Variants in B3GAT1 observed in about 807,000 individuals in gnomAD.
B3GAT1 encodes the protein beta-1,3-glucuronyltransferase 1.
In B3GAT1, 11 loss-of-function variants were observed where a neutral mutation model predicts 28.4. That is an observed-to-expected ratio of 0.39 (90% CI 0.24 to 0.64). The LOEUF is 0.64. Ranked by LOEUF, B3GAT1 falls within the 30% of genes least tolerant of loss-of-function variation. The pLI is 0.50. For missense variants in B3GAT1, 375 were observed against 491.0 expected (o/e 0.76, Z 2.23); for synonymous variants, 255 against 223.1 (o/e 1.14, Z -1.27).
intron 4 of B3GAT1, among the ~76,000 whole-genome samples, chr11:134,382,470 G>T (rs1944155835): frequency 6.6e-6 from 1 of 152,250 alleles, no homozygotes; most frequent in African/African-American, 2.4e-5. Context: ...TGCTCAGCAG[G>T]GAGGTGCTGG....
In B3GAT1 at chr11:134,412,133, C is replaced by G. The variant is rs1407598312; in HGVS notation, c.-608G>C. ...GGGAGCGGGGAGGGGGAGCGGGGAG[C>G]GGGCGCGGGGGCGAGAGGGGCGAGG... is the stretch of plus-strand genomic sequence containing the variant. On this transcript the variant is annotated 5_prime_UTR_variant, in exon 1 of 6. Coordinates refer to ENST00000312527, the MANE Select transcript of B3GAT1 (RefSeq NM_054025.3). Among the ~76,000 whole-genome samples the G allele has an allele frequency of 1.2e-4, 14 of 116,118 alleles. No homozygotes were observed. Among genetic ancestry groups the G allele is most frequent in the East Asian group, 8.2e-4 (3 of 3,638 alleles). 76.2% of individuals were successfully genotyped at this position (116,118 alleles called of 152,430 possible).
chr11:134,383,229 C>T (rs927224360), intron 3 of B3GAT1, among the ~76,000 whole-genome samples: 5 of 152,176 alleles, frequency 3.3e-5, no homozygotes, highest in South Asian at 4.1e-4. Context: ...ACCTCTCAGA[C>T]GGCCTGGTCT....
chr11:134,400,239 C>T (rs1026957323), intron 1 of B3GAT1, among the ~76,000 whole-genome samples: 1 of 152,152 alleles, frequency 6.6e-6, no homozygotes, highest in East Asian at 1.9e-4. Context: ...TTTTGCTTGC[C>T]GGTTTTCACA....
intron 1 of B3GAT1, among the ~76,000 whole-genome samples, chr11:134,405,928 G>A (rs895886702): frequency 6.6e-6 from 1 of 152,234 alleles, no homozygotes; most frequent in African/African-American, 2.4e-5. Flanking sequence ...TGGCTTGGTG[G>A]GCAGGGTCCC....
chr11:134,395,991 C>A (rs970934054), intron 1 of B3GAT1, among the ~76,000 whole-genome samples: 15 of 152,190 alleles, frequency 9.9e-5, no homozygotes, highest in African/African-American at 3.4e-4. Flanking sequence ...TGGCTGTTAG[C>A]TGGGACTGCC....
At position 134,412,108 on chromosome 11, in the gene B3GAT1, G is replaced by GGGAGCGGGGATGGGGGAGGT. The variant is rs1944872659; in HGVS notation, c.-584_-583insACCTCCCCCATCCCCGCTCC. Among the ~76,000 whole-genome samples, 1 of 107,590 alleles carries GGGAGCGGGGATGGGGGAGGT rather than the reference G, an allele frequency of 9.3e-6. No individual in the cohort carries two copies. The highest frequency in any genetic ancestry group is 2.0e-5 in the Non-Finnish European group (1 of 50,896). The allele number at this position is 107,590 out of a possible 152,430, so 70.6% of individuals were successfully genotyped here. A position where few individuals can be genotyped will look rare whatever the true frequency, so the allele number is the denominator to read the frequency against. ...AGGCGGGGGGCGGGGGGCGGGGAGG[G>GGGAGCGGGGATGGGGGAGGT]GGAGCGGGGAGGGGGAGCGGGGAGC... On this transcript the variant is annotated 5_prime_UTR_variant, in exon 1 of 6. Transcript: ENST00000312527.
At chr11:134,392,850 T>G (rs370474385) in intron 1 of B3GAT1, among the ~76,000 whole-genome samples, 2 of 152,342 alleles carry the variant, frequency 1.3e-5, no homozygotes, top group South Asian at 4.1e-4. Flanking sequence ...GGTTTTCTTC[T>G]GAGCCTGCAG....
rs1248944200 is a variant in B3GAT1 at position 134,384,120 on chromosome 11, G to T, written c.181C>A (p.Arg61Ser). The T allele has an allele frequency of 6.3e-6, 10 of 1,586,134 alleles. No homozygotes were observed. The highest frequency in any genetic ancestry group is 8.6e-6 in the Non-Finnish European group (10 of 1,166,770). Residue 61 changes from arginine to serine, a missense_variant, in exon 3 of 6, where the codon CGC becomes AGC. Physicochemically the swap from Arg to Ser is moderately radical, Grantham distance 110. Coordinates refer to ENST00000312527, the MANE Select transcript of B3GAT1 (RefSeq NM_054025.3). ...ADPREYCTSD[R>S]DIVEVVRTEY... ...GTGCGCACCACCTCCACGATGTCGC[G>T]GTCAGACGTGCAGTACTCCCTGGGG...
intron 2 of B3GAT1, chr11:134,386,540 C>T (rs1944291799): frequency 6.6e-6 from 1 of 152,200 alleles, no homozygotes. Flanking sequence ...AGTTCTACCC[C>T]TAGTTCTTCC....
At chr11:134,406,707 C>G (rs1391865968) in intron 1 of B3GAT1, among the ~76,000 whole-genome samples, 1 of 152,214 alleles carries the variant, frequency 6.6e-6, no homozygotes, top group Non-Finnish European at 1.5e-5. Context: ...TGACTCATTT[C>G]CTCCTCAGAA....
At chr11:134,396,258 A>G (rs564939029) in intron 1 of B3GAT1, among the ~76,000 whole-genome samples, 77 of 152,200 alleles carry the variant, frequency 5.1e-4, no homozygotes, top group African/African-American at 1.9e-3. Flanking sequence ...GGGGCTTCCA[A>G]GGATACCTGA....
rs1944326956 is a variant in B3GAT1, at chr11:134,387,847, T to C, written c.-188A>G. 2.6e-6 allele frequency: 4 copies of C among 1,526,682 alleles called. No individual in the cohort carries two copies. The highest frequency in any genetic ancestry group is 1.4e-5 in the African/African-American group (1 of 72,788). The allele number at this position is 1,526,682 out of a possible 1,614,324, so 94.6% of individuals were successfully genotyped here. A position where few individuals can be genotyped will look rare whatever the true frequency, so the allele number is the denominator to read the frequency against. On this transcript the variant is annotated 5_prime_UTR_variant, in exon 2 of 6. The change abolishes an upstream ATG in the 5' untranslated region. Transcript: ENST00000312527. ...CTTACCAGCACTCACAACCCACCCA[T>C]TGCGGAAGCAGGTTTGGAGAGTCCG...
intron 1 of B3GAT1, among the ~76,000 whole-genome samples, chr11:134,400,940 T>C (rs73032539): frequency 6.6e-6 from 1 of 152,224 alleles, no homozygotes; most frequent in Non-Finnish European, 1.5e-5. Flanking sequence ...GCAAAACACA[T>C]GAACAGACAC....
chr11:134,404,611 G>T (rs926110065), intron 1 of B3GAT1, among the ~76,000 whole-genome samples: 1 of 152,114 alleles, frequency 6.6e-6, no homozygotes, highest in Non-Finnish European at 1.5e-5. Flanking sequence ...ACCTTCCTGG[G>T]AATCACGGGG....
chr11:134,404,788 A>T (rs1361796969), intron 1 of B3GAT1, among the ~76,000 whole-genome samples: 1 of 152,354 alleles, frequency 6.6e-6, no homozygotes, highest in Middle Eastern at 3.4e-3. Flanking sequence ...AGAGAGATTT[A>T]TGTGTGGGAG....
chr11:134,399,805 T>C (rs1944575941), intron 1 of B3GAT1, among the ~76,000 whole-genome samples: 1 of 152,172 alleles, frequency 6.6e-6, no homozygotes, highest in Non-Finnish European at 1.5e-5. Context: ...GCATGGAGCC[T>C]GGCACAGGTC....
At chr11:134,405,007 G>A (rs948647196) in intron 1 of B3GAT1, among the ~76,000 whole-genome samples, 1 of 152,150 alleles carries the variant, frequency 6.6e-6, no homozygotes, top group African/African-American at 2.4e-5. Flanking sequence ...TGTCCTCCCC[G>A]TGCCACGAGC....
At chr11:134,383,055 C>G in intron 3 of B3GAT1, 49 bp from the exon 4 acceptor site, 3 of 1,484,672 alleles carry the variant, frequency 2.0e-6, no homozygotes, top group Non-Finnish European at 2.7e-6. Context: ...CAGATGAGGA[C>G]GGCCGCGCGT....
rs759715133 is a variant in B3GAT1, at chr11:134,382,803, C to T, written c.825G>A (p.Leu275=). 12 of 1,614,102 alleles carry T rather than the reference C, an allele frequency of 7.4e-6. No individual in the cohort carries two copies. Among genetic ancestry groups the T allele is most frequent in the Non-Finnish European group, 8.5e-6 (10 of 1,180,036 alleles). The part of the protein sequence containing the change: ...ILQRSQAYFK[L]RGVKGGYQES... ...CCTGGTAGCCTCCCTTCACACCTCG[C>T]AGCTTGAAGTAGGCCTGGCTTCGCT... The change falls in exon 4 of 6, where the codon CTG becomes CTA. Residue 275 remains leucine, a synonymous_variant. Transcript: ENST00000312527.
Sources: gnomAD v4.1 joint callset for allele counts (sites outside exome capture counted in the v4.1 genomes callset) on GRCh38, gnomAD v4.1.1 for gene constraint, MANE v1.5 for transcripts, NCBI Gene and HGNC (gene_info 2026-07-23, HGNC 2026-07-21) for gene names.